MTHFD1L: variants seen among roughly 807,000 people sequenced by gnomAD.
The protein encoded by MTHFD1L is methylenetetrahydrofolate dehydrogenase (NADP+ dependent) 1 like.
Under a neutral mutation model 119.5 loss-of-function variants are expected in MTHFD1L, and 81 were observed. The observed-to-expected ratio is 0.68, with a 90% CI of 0.57 to 0.82. The LOEUF (loss-of-function observed/expected upper bound fraction) is 0.82. Ranked by LOEUF, MTHFD1L falls within the 40% of genes least tolerant of loss-of-function variation. MTHFD1L has a pLI of 0.00. For missense variants in MTHFD1L, 1,125 were observed against 1,253.4 expected (o/e 0.90, Z 1.55); for synonymous variants, 430 against 475.2 (o/e 0.90, Z 1.24).
At chr6:150,887,360 C>A (rs906221981) in intron 6 of MTHFD1L, among the ~76,000 whole-genome samples, 2 of 152,140 alleles carry the variant, frequency 1.3e-5, no homozygotes, top group Non-Finnish European at 2.9e-5. Flanking sequence ...GGAATTGGAA[C>A]CAAAAGGGTT....
At position 151,009,850 on chromosome 6, in the gene MTHFD1L, A is replaced by C. The variant is rs2128481522; in HGVS notation, c.2157A>C (p.Gly719=). The change falls in exon 21 of 28, where the codon GGA becomes GGC. Residue 719 remains glycine, a synonymous_variant. Transcript: ENST00000367321. ...VTEAGFGADI[G]MEKFFNIKCR... ...AAGCTGGCTTTGGTGCTGACATCGG[A>C]ATGGAGAAATTCTTCAACATCAAGT... 6.2e-7 allele frequency: 1 copy of C among 1,613,862 alleles called. No individual in the cohort carries two copies. Among genetic ancestry groups the C allele is most frequent in the Non-Finnish European group, 8.5e-7 (1 of 1,179,920 alleles).
intron 1 of MTHFD1L, chr6:150,866,569 C>T: frequency 8.1e-7 from 1 of 1,228,650 alleles, no homozygotes; most frequent in Non-Finnish European, 1.0e-6. Context: ...GCGCCCTTCC[C>T]CGCGCGCGGC....
rs750687544 is a variant in MTHFD1L at position 151,013,812 on chromosome 6, A to G, written c.2299A>G (p.Thr767Ala). The G allele has an allele frequency of 6.2e-7, 1 of 1,612,340 alleles. No individual in the cohort carries two copies. Residue 767 changes from threonine (T) to alanine (A), a missense_variant, in exon 22 of 28, where the codon ACA (threonine) becomes GCA (alanine). Around this residue, in one of 3 missense-constraint regions of MTHFD1L, gnomAD observed 1,058 missense variants for 1,151.2 expected, o/e 0.92. Transcript: ENST00000367321. ...TAGVPLKKEYTEENIQLVADG... is the reference protein window; with the variant it reads ...TAGVPLKKEYAEENIQLVADG... ...TGGTGTTCCTCTTAAGAAAGAATAT[A>G]CAGAGGAGGTAAGAGGAGCTGTTTA...
chr6:150,938,723 C>A lies in MTHFD1L; in HGVS notation c.1418C>A (p.Ala473Asp). 1 of 1,610,326 alleles carries A rather than the reference C, an allele frequency of 6.2e-7. No homozygotes were observed. The highest frequency in any genetic ancestry group is 1.1e-5 in the South Asian group (1 of 89,818). Residue 473 changes from alanine (A) to aspartate (D), a missense_variant, in exon 13 of 28, where the codon GCC becomes GAC. Physicochemically the swap from Ala to Asp is moderately radical, Grantham distance 126. Coordinates refer to ENST00000367321, the MANE Select transcript of MTHFD1L (RefSeq NM_015440.5). The stretch of plus-strand genomic sequence containing the variant: ...GGAGGAGCCGCGGGTGGTGGATATG[C>A]CCAGGTCATCCCCATGGAGGAGGTA... Reference protein sequence around the residue: ...VKGGAAGGGYAQVIPMEEFNL... With the variant: ...VKGGAAGGGYDQVIPMEEFNL...
chr6:151,002,474 A>G (rs930557681), intron 20 of MTHFD1L, among the ~76,000 whole-genome samples: 3 of 152,152 alleles, frequency 2.0e-5, no homozygotes, highest in Admixed American at 2.0e-4. Context: ...GTTTTTCCCC[A>G]TCGTGTGCAC....
At chr6:150,887,403 C>T (rs1782498610) in intron 6 of MTHFD1L, among the ~76,000 whole-genome samples, 3 of 152,136 alleles carry the variant, frequency 2.0e-5, no homozygotes, top group South Asian at 2.1e-4. Context: ...TACAACACCC[C>T]ACTCCTAGTT....
At chr6:150,928,902 T>C (rs189367211) in intron 11 of MTHFD1L, among the ~76,000 whole-genome samples, 5 of 152,292 alleles carry the variant, frequency 3.3e-5, no homozygotes, top group Admixed American at 1.3e-4. Context: ...CCCTCAGCAG[T>C]TGGCATTGTA....
At chr6:150,891,134 C>T (rs907007597) in intron 7 of MTHFD1L, among the ~76,000 whole-genome samples, 4 of 152,110 alleles carry the variant, frequency 2.6e-5, no homozygotes, top group Admixed American at 6.6e-5. Context: ...TACAGGTGTG[C>T]GCCACCATGC....
intron 17 of MTHFD1L, 127 bp from the exon 18 acceptor site, chr6:150,960,148 T>G (rs1214347966): frequency 1.1e-5 from 14 of 1,259,876 alleles, no homozygotes; most frequent in Non-Finnish European, 1.5e-5. Flanking sequence ...TGGGATTGCA[T>G]GCATGGCCTT....
chr6:150,912,694 G>A (rs775873730), intron 8 of MTHFD1L: 5 of 515,108 alleles, frequency 9.7e-6, no homozygotes, highest in Non-Finnish European at 2.0e-5. Flanking sequence ...TAGAAGAATG[G>A]CCATCTTTTA....
At chr6:151,029,564 A>G (rs1261325585) in intron 24 of MTHFD1L, among the ~76,000 whole-genome samples, 1 of 152,132 alleles carries the variant, frequency 6.6e-6, no homozygotes, top group Non-Finnish European at 1.5e-5. Flanking sequence ...TGGGAGGCCG[A>G]GGCAAGCGGA....
intron 16 of MTHFD1L, among the ~76,000 whole-genome samples, chr6:150,952,844 G>A (rs904837633): frequency 6.6e-6 from 1 of 152,148 alleles, no homozygotes; most frequent in Non-Finnish European, 1.5e-5. Context: ...TTCATCTTAT[G>A]CCTCATACCG....
chr6:151,022,368 A>T (rs946332918), intron 24 of MTHFD1L: 1 of 234,250 alleles, frequency 4.3e-6, no homozygotes, highest in African/African-American at 2.2e-5. Context: ...TTAAAAATGC[A>T]TATCTATGGA....
Position 150,952,471 on chromosome 6 carries a change from T to C in MTHFD1L, c.1726+3338T>C, listed in dbSNP as rs530594314. On this transcript the variant is annotated intron_variant, in intron 16 of 27. Transcript: ENST00000367321. The stretch of plus-strand genomic sequence containing the variant: ...AGTGAGACCCTCTTCTCAGGCCATA[T>C]GGATGTTGCGCCATTTAATGACCAC... 3.9e-5 allele frequency among the ~76,000 whole-genome samples: 6 copies of C among 152,318 alleles called. No individual in the cohort carries two copies. The East Asian group carries it at 1.2e-3, about 29-fold the overall frequency.
chr6:150,978,268 GAGA>G (rs1776927523), intron 20 of MTHFD1L, among the ~76,000 whole-genome samples: 1 of 152,056 alleles, frequency 6.6e-6, no homozygotes, highest in African/African-American at 2.4e-5. Context: ...ACATAAGAGA[GAGA>G]AAGAACTGTT....
chr6:151,049,594 G>A (rs1298188961), intron 26 of MTHFD1L, among the ~76,000 whole-genome samples: 4 of 151,098 alleles, frequency 2.6e-5, no homozygotes, highest in Admixed American at 6.6e-5. Flanking sequence ...CCCAGGAGGC[G>A]GAAGTTGCAG....
At chr6:150,925,176 A>G (rs58548715) in intron 10 of MTHFD1L, among the ~76,000 whole-genome samples, 14,417 of 152,230 alleles carry the variant, frequency 0.095, 990 homozygotes, top group African/African-American at 0.19. Flanking sequence ...GAGGCAGACC[A>G]CAACAAAAAT....
At chr6:150,967,868 C>T (rs1023081658) in intron 19 of MTHFD1L, among the ~76,000 whole-genome samples, 2 of 152,158 alleles carry the variant, frequency 1.3e-5, no homozygotes, top group Admixed American at 6.5e-5. Flanking sequence ...AGACTGAAAC[C>T]TAATGAAGCC....
At chr6:150,879,693 A>C (rs1339543899) in intron 4 of MTHFD1L, among the ~76,000 whole-genome samples, 2 of 139,056 alleles carry the variant, frequency 1.4e-5, no homozygotes, top group Non-Finnish European at 3.0e-5. Context: ...CCAATGGCGC[A>C]ATCTCCTCTC....
Sources: gnomAD v4.1 joint callset for allele counts (sites outside exome capture counted in the v4.1 genomes callset) on GRCh38, gnomAD v4.1.1 for gene constraint, gnomAD v4.1.1 regional missense constraint, MANE v1.5 for transcripts, NCBI Gene and HGNC (gene_info 2026-07-23, HGNC 2026-07-21) for gene names.